The following GALNTL6 variants were observed in gnomAD, a reference collection of about 807,000 sequenced individuals.
GALNTL6 encodes polypeptide N-acetylgalactosaminyltransferase like 6, also known as polypeptide N-acetylgalactosaminyltransferase-like 6.
Under a neutral mutation model 73.7 loss-of-function variants are expected in GALNTL6, and 46 were observed. That is an observed-to-expected ratio of 0.62 (90% CI 0.49 to 0.80). The LOEUF (loss-of-function observed/expected upper bound fraction) is 0.80. GALNTL6 is among the 30% of genes least tolerant of loss of function. GALNTL6 has a pLI of 0.00. For missense variants in GALNTL6, 604 were observed against 755.0 expected, an observed-to-expected ratio of 0.80 and a Z score of 2.34; for synonymous variants, 259 against 263.7, an observed-to-expected ratio of 0.98 and a Z score of 0.17.
At chr4:172,635,632 C>CT (rs1420596520) in intron 5 of GALNTL6, among the ~76,000 whole-genome samples, 1 of 152,136 alleles carries the variant, frequency 6.6e-6, no homozygotes, top group Non-Finnish European at 1.5e-5. Context: ...TTTCTGCGAA[C>CT]TTTCTTCTCA....
chr4:172,136,267 T>C (rs1009087507), intron 2 of GALNTL6, among the ~76,000 whole-genome samples: 12 of 152,094 alleles, frequency 7.9e-5, no homozygotes, highest in Non-Finnish European at 1.6e-4. Flanking sequence ...TATGGGACTT[T>C]GTAAAATTGG....
Position 171,982,344 on chromosome 4 carries a change from C to T in GALNTL6, c.138+167626C>T, listed in dbSNP as rs534562304. On this transcript the variant is annotated intron_variant, in intron 2 of 12. Coordinates refer to ENST00000506823, the MANE Select transcript of GALNTL6 (RefSeq NM_001034845.3). ...ACGGAGTCTCGCTCTGTCACCCAGG[C>T]TGGAGTGCAGTGGCGCGATCTCGGC... Among the ~76,000 whole-genome samples the T allele has an allele frequency of 2.5e-3, 378 of 152,258 alleles. 3 individuals carry two copies. Among genetic ancestry groups the T allele is most frequent in the Non-Finnish European group, 4.6e-3 (316 of 68,012 alleles).
At chr4:172,320,029 C>T (rs531842899) in intron 4 of GALNTL6, among the ~76,000 whole-genome samples, 5 of 152,052 alleles carry the variant, frequency 3.3e-5, no homozygotes, top group Non-Finnish European at 5.9e-5. Context: ...ATCCAAGAGC[C>T]GTTTACCTAG....
intron 5 of GALNTL6, among the ~76,000 whole-genome samples, chr4:172,421,229 T>C (rs1215935351): frequency 6.6e-6 from 1 of 152,160 alleles, no homozygotes; most frequent in Admixed American, 6.6e-5. Flanking sequence ...GCTCTGATAC[T>C]GTATAATATT....
At chr4:172,469,853 A>C (rs1161677588) in intron 5 of GALNTL6, among the ~76,000 whole-genome samples, 1 of 152,224 alleles carries the variant, frequency 6.6e-6, no homozygotes, top group African/African-American at 2.4e-5. Flanking sequence ...TACAGCAGTG[A>C]TATGAATAAA....
chr4:172,553,821 CA>C (rs1337234823), intron 5 of GALNTL6, among the ~76,000 whole-genome samples: 1 of 152,014 alleles, frequency 6.6e-6, no homozygotes, highest in Non-Finnish European at 1.5e-5. Context: ...CTTTGGGAGG[CA>C]AGGGTGGAAG....
At chr4:171,867,002 AATT>A (rs1735988428) in intron 2 of GALNTL6, among the ~76,000 whole-genome samples, 1 of 152,184 alleles carries the variant, frequency 6.6e-6, no homozygotes, top group Non-Finnish European at 1.5e-5. Flanking sequence ...ATAAACTAAT[AATT>A]ATTATCTACT....
intron 2 of GALNTL6, among the ~76,000 whole-genome samples, chr4:172,170,711 A>T (rs1012101552): frequency 6.6e-6 from 1 of 151,992 alleles, no homozygotes; most frequent in Non-Finnish European, 1.5e-5. Flanking sequence ...GGCTTGCACC[A>T]TGTTGGCCAG....
At position 172,634,491 on chromosome 4, in the gene GALNTL6, T is replaced by C. The variant is rs569039344; in HGVS notation, c.554-174870T>C. On this transcript the variant is annotated intron_variant, in intron 5 of 12. Transcript: ENST00000506823. ...TTGGTGGGGCAGTGTATGTACTCCT[T>C]GGTCTAGCCCAGTTTTCATTTCTTC... Among the ~76,000 whole-genome samples, 14 of 152,304 alleles carry C rather than the reference T, an allele frequency of 9.2e-5. 1 individual carries two copies. The highest frequency in any genetic ancestry group is 3.1e-4 in the African/African-American group (13 of 41,582).
At chr4:172,320,619 G>A (rs755351965) in intron 4 of GALNTL6, among the ~76,000 whole-genome samples, 23 of 152,050 alleles carry the variant, frequency 1.5e-4, no homozygotes, top group Non-Finnish European at 2.9e-4. Context: ...GATCCCTCCT[G>A]GTGTCAGAAC....
chr4:171,893,884 G>A (rs1736828037), intron 2 of GALNTL6, among the ~76,000 whole-genome samples: 1 of 152,152 alleles, frequency 6.6e-6, no homozygotes, highest in South Asian at 2.1e-4. Flanking sequence ...AGAGAAGGCT[G>A]TGTTTGTAAG....
intron 3 of GALNTL6, among the ~76,000 whole-genome samples, chr4:172,242,751 T>C (rs1737489122): frequency 7.1e-6 from 1 of 141,286 alleles, no homozygotes; most frequent in African/African-American, 2.6e-5. Flanking sequence ...ATACTATAGC[T>C]CTGGAAGGAA....
At chr4:171,860,954 A>ATTCAGCT (rs1171985134) in intron 2 of GALNTL6, among the ~76,000 whole-genome samples, 1 of 152,144 alleles carries the variant, frequency 6.6e-6, no homozygotes, top group Non-Finnish European at 1.5e-5. Flanking sequence ...TCCATTCAGC[A>ATTCAGCT]TTCAGCTTGT....
chr4:172,958,504 A>G (rs992858168), intron 10 of GALNTL6, among the ~76,000 whole-genome samples: 1 of 152,314 alleles, frequency 6.6e-6, no homozygotes, highest in African/African-American at 2.4e-5. Context: ...GTGAGTTTAT[A>G]TAATGGTTTT....
intron 7 of GALNTL6, among the ~76,000 whole-genome samples, chr4:172,842,606 G>T (rs1473905031): frequency 6.6e-6 from 1 of 151,960 alleles, no homozygotes; most frequent in Non-Finnish European, 1.5e-5. Flanking sequence ...GTGCTTTGAA[G>T]ATAATTTTAG....
At chr4:172,956,392 G>T (rs565891549) in intron 10 of GALNTL6, among the ~76,000 whole-genome samples, 1 of 152,260 alleles carries the variant, frequency 6.6e-6, no homozygotes, top group East Asian at 1.9e-4. Context: ...CTAAGAATTG[G>T]GAAGACCTAG....
intron 5 of GALNTL6, among the ~76,000 whole-genome samples, chr4:172,747,383 C>T (rs778702975): frequency 2.4e-4 from 37 of 151,754 alleles, no homozygotes; most frequent in East Asian, 7.7e-4. Flanking sequence ...CAAAAGAAGA[C>T]ATACAAATGA....
intron 2 of GALNTL6, among the ~76,000 whole-genome samples, chr4:171,981,425 T>C (rs529470887): frequency 9.2e-4 from 140 of 152,338 alleles, no homozygotes; most frequent in Admixed American, 1.7e-3. Context: ...TCAGTTTACA[T>C]TGCCAGGGTG....
intron 5 of GALNTL6, among the ~76,000 whole-genome samples, chr4:172,691,561 C>G (rs1733290897): frequency 6.6e-6 from 1 of 152,196 alleles, no homozygotes; most frequent in Non-Finnish European, 1.5e-5. Flanking sequence ...GCTGTCATTA[C>G]TGCTCATGAC....
Sources: allele counts gnomAD v4.1 joint callset (sites outside exome capture counted in the v4.1 genomes callset), GRCh38; gene constraint gnomAD v4.1.1; transcripts MANE v1.5; gene names NCBI Gene and HGNC (gene_info 2026-07-23, HGNC 2026-07-21).